The following ARIH1 variants were observed in gnomAD, a reference collection of about 807,000 sequenced individuals.
ARIH1 encodes E3 ubiquitin-protein ligase ARIH1.
A neutral mutation model predicts 85.0 loss-of-function variants in ARIH1; 8 were observed. That is an observed-to-expected ratio of 0.09 (90% CI 0.06 to 0.17). The LOEUF is 0.17. ARIH1 is among the 10% of genes least tolerant of loss of function. The pLI is 1.00. For synonymous variants in ARIH1, 238 were observed against 253.6 expected, an observed-to-expected ratio of 0.94 and a Z score of 0.59; for missense variants, 311 against 718.1, an observed-to-expected ratio of 0.43 and a Z score of 6.48.
chr15:72,544,889 A>G lies in ARIH1; in HGVS notation c.513A>G (p.Arg171=). ...CHVINPSKKS[R]TRQMNTRSSA... is the part of the protein sequence containing the mutation. The stretch of plus-strand genomic sequence containing the variant: ...TAATTAATCCAAGTAAAAAGTCTCG[A>G]ACACGCCAGATGAATACAAGGTCAT... The change falls in exon 3 of 14, where the codon CGA becomes CGG. Residue 171 remains arginine, a synonymous_variant. Transcript: ENST00000379887. 1 of 1,613,782 alleles carries G rather than the reference A, an allele frequency of 6.2e-7. No individual in the cohort carries two copies. Among genetic ancestry groups the G allele is most frequent in the South Asian group, 1.1e-5 (1 of 91,072 alleles).
chr15:72,474,979 G>A lies in ARIH1; in HGVS notation c.340G>A (p.Val114Met). Residue 114 changes from valine (V) to methionine (M), a missense_variant, in exon 1 of 14, where the codon GTG (valine) becomes ATG (methionine). Transcript: ENST00000379887. ...LTAEQILQHM[V>M]ECIREVNEVI... is the part of the protein sequence containing the mutation. ...GGCCGAGCAGATTCTACAACACATG[G>A]TGGAATGTATCCGGGAGGTCAACGA... 6.4e-7 allele frequency: 1 copy of A among 1,560,616 alleles called. No individual in the cohort carries two copies. The highest frequency in any genetic ancestry group is 8.7e-7 in the Non-Finnish European group (1 of 1,152,140).
At position 72,519,487 on chromosome 15, in the gene ARIH1, T is replaced by G. The variant is rs1262403022; in HGVS notation, c.443+1353T>G. Among the ~76,000 whole-genome samples the G allele has an allele frequency of 9.8e-4, 132 of 134,468 alleles. 1 individual carries two copies. Among genetic ancestry groups the G allele is most frequent in the South Asian group, 1.5e-3 (6 of 3,890 alleles). The allele number at this position is 134,468 out of a possible 152,430, so 88.2% of individuals were successfully genotyped here. On this transcript the variant is annotated intron_variant, in intron 2 of 13. Coordinates refer to ENST00000379887, the MANE Select transcript of ARIH1 (RefSeq NM_005744.5). Reference sequence around the variant, plus strand: ...CCATGTTTTTTTTGTTTTTTTTTTTTTTTTTTTTTTTTTGAGACGGAGTTT... The same window carrying G: ...CCATGTTTTTTTTGTTTTTTTTTTTGTTTTTTTTTTTTTGAGACGGAGTTT...
At chr15:72,507,957 A>T (rs1000148816) in intron 1 of ARIH1, among the ~76,000 whole-genome samples, 2 of 152,104 alleles carry the variant, frequency 1.3e-5, no homozygotes, top group South Asian at 4.1e-4. Flanking sequence ...GTGTAGTGGG[A>T]AATTGTTTAG....
At position 72,523,010 on chromosome 15, in the gene ARIH1, G is replaced by A. The variant is rs117957358; in HGVS notation, c.443+4876G>A. 1.5e-3 allele frequency among the ~76,000 whole-genome samples: 232 copies of A among 152,294 alleles called. 1 individual carries two copies. The highest frequency in any genetic ancestry group is 2.8e-3 in the Non-Finnish European group (193 of 68,022). Reference sequence around the variant, plus strand: ...ACTACCAAATGTGGACCAGGATGTGGAGCGGTAGGAACTCTCATCATTTCT... The same window carrying A: ...ACTACCAAATGTGGACCAGGATGTGAAGCGGTAGGAACTCTCATCATTTCT... On this transcript the variant is annotated intron_variant, in intron 2 of 13. Transcript: ENST00000379887.
Position 72,562,980 on chromosome 15 carries a change from T to G in ARIH1, c.805-414T>G, listed in dbSNP as rs2064203617. 2.0e-5 allele frequency among the ~76,000 whole-genome samples: 3 copies of G among 152,064 alleles called. 1 individual carries two copies. In the South Asian group the frequency reaches 6.2e-4, roughly 32 times the overall value. ...CATAAGCTTGTGTAATTATCCCCCA[T>G]TTGCCCCTTGTACCAGAGAAGCAAT... On this transcript the variant is annotated intron_variant, in intron 6 of 13. Transcript: ENST00000379887.
At chr15:72,560,143 C>A (rs2140431373) in intron 5 of ARIH1, among the ~76,000 whole-genome samples, 1 of 152,280 alleles carries the variant, frequency 6.6e-6, no homozygotes, top group East Asian at 1.9e-4. Context: ...ATTAATTGAA[C>A]ACTTTCTACA....
chr15:72,488,747 T>G (rs1177952711), intron 1 of ARIH1, among the ~76,000 whole-genome samples: 8 of 152,250 alleles, frequency 5.3e-5, no homozygotes, highest in Admixed American at 5.2e-4. Context: ...GACAAGATTT[T>G]CTTCTGGCAC....
At chr15:72,497,419 A>G (rs900568573) in intron 1 of ARIH1, among the ~76,000 whole-genome samples, 1 of 151,906 alleles carries the variant, frequency 6.6e-6, no homozygotes, top group South Asian at 2.1e-4. Flanking sequence ...GTATCAGTTT[A>G]CTTGCTAAAT....
chr15:72,518,193 G>A (rs2063983550), intron 2 of ARIH1, 59 bp downstream of exon 2: 3 of 1,387,838 alleles, frequency 2.2e-6, no homozygotes, highest in East Asian at 2.3e-5. Flanking sequence ...CTATTGAACC[G>A]AATTTACAAG....
intron 1 of ARIH1, among the ~76,000 whole-genome samples, chr15:72,516,709 G>C (rs2063976603): frequency 6.6e-6 from 1 of 152,176 alleles, no homozygotes; most frequent in African/African-American, 2.4e-5. Context: ...GTATGCATGT[G>C]TGTAAATTTT....
At chr15:72,491,319 A>C (rs2140396536) in intron 1 of ARIH1, among the ~76,000 whole-genome samples, 1 of 150,126 alleles carries the variant, frequency 6.7e-6, no homozygotes. Flanking sequence ...CCCCCCCATA[A>C]ACCCATTCAT....
intron 2 of ARIH1, among the ~76,000 whole-genome samples, chr15:72,539,852 C>G (rs1425350466): frequency 6.6e-6 from 1 of 152,028 alleles, no homozygotes; most frequent in Non-Finnish European, 1.5e-5. Context: ...GGGATTTTGG[C>G]CAAAGTGAGC....
intron 7 of ARIH1, 75 bp from the exon 8 acceptor site, chr15:72,566,488 A>G (rs2064221665): frequency 8.4e-7 from 1 of 1,196,262 alleles, no homozygotes; most frequent in Non-Finnish European, 1.2e-6. Flanking sequence ...ACTATAAGGC[A>G]TGAAATGATT....
chr15:72,490,620 A>G (rs1449834201), intron 1 of ARIH1, among the ~76,000 whole-genome samples: 1 of 152,100 alleles, frequency 6.6e-6, no homozygotes, highest in Non-Finnish European at 1.5e-5. Context: ...GTTGGGGACC[A>G]CTGTACTGTA....
chr15:72,480,131 A>C (rs1178385896), intron 1 of ARIH1, among the ~76,000 whole-genome samples: 1 of 152,104 alleles, frequency 6.6e-6, no homozygotes, highest in Admixed American at 6.5e-5. Context: ...GGCCTGCCAA[A>C]GTGCTGGGAT....
chr15:72,545,648 G>A (rs976870324), intron 3 of ARIH1, among the ~76,000 whole-genome samples: 3 of 152,286 alleles, frequency 2.0e-5, no homozygotes, highest in East Asian at 1.9e-4. Flanking sequence ...CCAACATGGC[G>A]GAAACCTGTC....
chr15:72,530,684 C>G (rs1021851315), intron 2 of ARIH1, among the ~76,000 whole-genome samples: 1 of 152,180 alleles, frequency 6.6e-6, no homozygotes, highest in Non-Finnish European at 1.5e-5. Context: ...AGTATGCTAT[C>G]ACCAGGGAGC....
Position 72,589,449 on chromosome 15 carries a change from C to T in ARIH1, c.*6157C>T, listed in dbSNP as rs1387701399. ...CAGGATGAGATTGGGAACTAGAAAA[C>T]CATTTTGGACCCCTAAAGTGGTATT... On this transcript the variant is annotated 3_prime_UTR_variant, in exon 14 of 14. Transcript: ENST00000379887. The T allele has an allele frequency of 6.6e-6, 1 of 152,172 alleles. No individual in the cohort carries two copies. The highest frequency in any genetic ancestry group is 2.4e-5 in the African/African-American group (1 of 41,442). 9.4% of individuals were successfully genotyped at this position (152,172 alleles called of 1,614,324 possible).
chr15:72,564,695 A>C (rs936336732), intron 7 of ARIH1, among the ~76,000 whole-genome samples: 3 of 152,186 alleles, frequency 2.0e-5, no homozygotes, highest in African/African-American at 4.8e-5. Flanking sequence ...TAAACAACAT[A>C]AATTTATTTC....
Sources: gnomAD v4.1 joint callset for allele counts (sites outside exome capture counted in the v4.1 genomes callset) on GRCh38, gnomAD v4.1.1 for gene constraint, MANE v1.5 for transcripts, NCBI Gene and HGNC (gene_info 2026-07-23, HGNC 2026-07-21) for gene names.